KCTD19: variants seen among roughly 807,000 people sequenced by gnomAD.
KCTD19 encodes the protein potassium channel tetramerization domain containing 19, also known as BTB/POZ domain-containing protein KCTD19.
Under a neutral mutation model 103.5 loss-of-function variants are expected in KCTD19, and 67 were observed. That is an observed-to-expected ratio of 0.65 (90% CI 0.53 to 0.79). The LOEUF (loss-of-function observed/expected upper bound fraction) is 0.79, where lower values mean the gene tolerates loss of function less well. KCTD19 is among the 30% of genes least tolerant of loss of function. The pLI is 0.00. For missense variants in KCTD19, 980 were observed against 1,136.1 expected, an observed-to-expected ratio of 0.86 and a Z score of 1.98; for synonymous variants, 439 against 452.2, an observed-to-expected ratio of 0.97 and a Z score of 0.37.
Position 67,289,569 on chromosome 16 carries a change from C to G in KCTD19, c.2781G>C (p.Ter927TyrextTer17). The G allele has an allele frequency of 3.1e-6, 5 of 1,602,894 alleles. No individual in the cohort carries two copies. Among genetic ancestry groups the G allele is most frequent in the Non-Finnish European group, 3.4e-6 (4 of 1,169,872 alleles). Residue 927 changes from the stop codon to tyrosine (Y), a stop_lost, in exon 16 of 16, where the codon TAG (stop) becomes TAC (tyrosine). Transcript: ENST00000304372. ...SILGKYLQED[*>Y] is the part of the protein sequence containing the mutation. ...ATGAGGGGCTGCATCTCTGGGCACCCTAGTCCTCTTGTAGGTACTTTCCCA... is the reference window on the plus strand; with the variant it reads ...ATGAGGGGCTGCATCTCTGGGCACCGTAGTCCTCTTGTAGGTACTTTCCCA...
chr16:67,316,724 CTCCT>C (rs1410660996), intron 2 of KCTD19, among the ~76,000 whole-genome samples: 2 of 152,170 alleles, frequency 1.3e-5, no homozygotes, highest in Non-Finnish European at 2.9e-5. Flanking sequence ...ACAGGGTTCA[CTCCT>C]GTATCTCCAG....
chr16:67,325,084 A>G (rs546854080), intron 1 of KCTD19, among the ~76,000 whole-genome samples: 7 of 152,292 alleles, frequency 4.6e-5, no homozygotes, highest in African/African-American at 1.2e-4. Context: ...TGAGAGCTCA[A>G]TGGGGGTGCT....
At chr16:67,290,167 CTTTTTTTTTTTT>C (rs11296444) in intron 15 of KCTD19, among the ~76,000 whole-genome samples, 32 of 69,318 alleles carry the variant, frequency 4.6e-4, no homozygotes, top group African/African-American at 1.7e-3. Flanking sequence ...TGAATATTTT[CTTTTTTTTTTTT>C]TTTTTTTTTT....
intron 12 of KCTD19, among the ~76,000 whole-genome samples, chr16:67,292,337 G>A (rs577213648): frequency 6.6e-6 from 1 of 152,326 alleles, no homozygotes; most frequent in South Asian, 2.1e-4. Context: ...ACCCTGGGCT[G>A]GCAGGGGCCT....
rs373291337 is a variant in KCTD19 at position 67,295,322 on chromosome 16, C to T, written c.1332G>A (p.Met444Ile). Residue 444 changes from methionine to isoleucine, a missense_variant, in exon 9 of 16, where the codon ATG (methionine) becomes ATA (isoleucine). By Grantham distance (10) the Met-to-Ile change is conservative. Coordinates refer to ENST00000304372, the MANE Select transcript of KCTD19 (RefSeq NM_001100915.3). Reference protein sequence around the residue: ...QTLLIHGDGQMFRHILNFLRL... With the variant: ...QTLLIHGDGQIFRHILNFLRL... ...TCAGGAAGTTGAGAATGTGTCGGAA[C>T]ATCTGGCCATCCCCGTGGATGAGCA... The T allele has an allele frequency of 3.0e-5, 48 of 1,614,090 alleles. No homozygotes were observed. The highest frequency in any genetic ancestry group is 4.1e-5 in the Non-Finnish European group (48 of 1,180,052).
intron 13 of KCTD19, 55 bp downstream of exon 13, chr16:67,291,591 G>T: frequency 6.3e-7 from 1 of 1,580,698 alleles, no homozygotes; most frequent in East Asian, 2.2e-5. Context: ...CCTGGGAGGG[G>T]GCTCAGGCAT....
Position 67,289,586 on chromosome 16 carries a change from A to C in KCTD19, c.2764T>G (p.Tyr922Asp). The change falls in exon 16 of 16, where the codon TAC (tyrosine) becomes GAC (aspartate). Residue 922 changes from tyrosine to aspartate, a missense_variant. Transcript: ENST00000304372. ...TGGGCACCCTAGTCCTCTTGTAGGT[A>C]CTTTCCCAGGATGGAGTAAGAGACA... ...RSVSYSILGK[Y>D]LQED 1 of 1,612,410 alleles carries C rather than the reference A, an allele frequency of 6.2e-7. No homozygotes were observed.
At chr16:67,302,880 G>A (rs2142509455) in intron 4 of KCTD19, 1 of 457,264 alleles carries the variant, frequency 2.2e-6, no homozygotes, top group East Asian at 4.4e-5. Context: ...CAACTCCTGT[G>A]GTCCCTAGCA....
intron 1 of KCTD19, among the ~76,000 whole-genome samples, chr16:67,325,128 C>G (rs2037121357): frequency 6.6e-6 from 1 of 151,906 alleles, no homozygotes; most frequent in Admixed American, 6.5e-5. Flanking sequence ...CAAAGAAAAC[C>G]TACTTCTCGA....
chr16:67,297,217 C>T (rs528590171), intron 7 of KCTD19, among the ~76,000 whole-genome samples: 1 of 152,302 alleles, frequency 6.6e-6, no homozygotes, highest in African/African-American at 2.4e-5. Flanking sequence ...CTGTGAGAAG[C>T]ACAGCAAGTC....
intron 12 of KCTD19, 37 bp from the exon 13 acceptor site, chr16:67,291,874 A>T: frequency 6.8e-7 from 1 of 1,477,350 alleles, no homozygotes. Flanking sequence ...TCTCCTTTTA[A>T]AAAAAAATTT....
In KCTD19 at chr16:67,304,381, T is replaced by C. The variant is rs771467654; in HGVS notation, c.451+40A>G. On this transcript the variant is annotated intron_variant, in intron 3 of 15. Coordinates refer to ENST00000304372, the MANE Select transcript of KCTD19 (RefSeq NM_001100915.3). Reference sequence around the variant, plus strand: ...CTGTTAGGGTGAGGAGAGGGAAAGTTGGTGTGGGCTTTAGGGAGGGACAGC... The same window carrying C: ...CTGTTAGGGTGAGGAGAGGGAAAGTCGGTGTGGGCTTTAGGGAGGGACAGC... 3 of 1,605,320 alleles carry C rather than the reference T, an allele frequency of 1.9e-6. No individual in the cohort carries two copies. The East Asian group carries it at 6.7e-5, about 36-fold the overall frequency.
rs527499557 is a variant in KCTD19 at position 67,300,629 on chromosome 16, T to C, written c.776-1056A>G. 2 of 152,582 alleles carry C rather than the reference T, an allele frequency of 1.3e-5. No individual in the cohort carries two copies. The highest frequency in any genetic ancestry group is 4.1e-4 in the South Asian group (2 of 4,826). The allele number at this position is 152,582 out of a possible 1,614,324, so 9.5% of individuals were successfully genotyped here. A position where few individuals can be genotyped will look rare whatever the true frequency, so the allele number is the denominator to read the frequency against. On this transcript the variant is annotated intron_variant, in intron 5 of 15. Transcript: ENST00000304372. The surrounding 1 kb of genome is among the most constrained non-coding windows in gnomAD (Gnocchi z 4.5). Reference sequence around the variant, plus strand: ...CAGGGTCCTGAGACCTGCTGGAGCATGCCACTCCCCACAAAGAGGATGGGT... The same window carrying C: ...CAGGGTCCTGAGACCTGCTGGAGCACGCCACTCCCCACAAAGAGGATGGGT...
rs2036732864 is a variant in KCTD19 at position 67,293,964 on chromosome 16, G to A, written c.1798C>T (p.His600Tyr). ...GGGCTCTCAGGGTGGCTCCCCCAGTGTCCAGGATTGGTACACAAGCCACGG... is the reference window on the plus strand; with the variant it reads ...GGGCTCTCAGGGTGGCTCCCCCAGTATCCAGGATTGGTACACAAGCCACGG... ...HCRGLCTNPG[H>Y]WGSHPESPPK... The change falls in exon 12 of 16, where the codon CAC (histidine) becomes TAC (tyrosine). Residue 600 changes from histidine to tyrosine, a missense_variant. Coordinates refer to ENST00000304372, the MANE Select transcript of KCTD19 (RefSeq NM_001100915.3). The surrounding 1 kb of genome is among the most constrained non-coding windows in gnomAD (Gnocchi z 4.0). The A allele has an allele frequency of 1.2e-6, 2 of 1,614,038 alleles. No individual in the cohort carries two copies. The highest frequency in any genetic ancestry group is 2.7e-5 in the African/African-American group (2 of 74,926).
rs777843756 is a variant in KCTD19 at position 67,294,635 on chromosome 16, T to C, written c.1535A>G (p.His512Arg). ...NEEAFSIRRLHVVTEGPGSLV... is the reference protein window; with the variant it reads ...NEEAFSIRRLRVVTEGPGSLV... ...TGACCCTGGCCCTTCTGTCACCACA[T>C]GCAGCCTCCTGATGGAAAAAGCTTC... The change falls in exon 11 of 16, where the codon CAT (histidine) becomes CGT (arginine). Residue 512 changes from histidine (H) to arginine (R), a missense_variant. By Grantham distance (29) the His-to-Arg change is conservative (BLOSUM62 0). Coordinates refer to ENST00000304372, the MANE Select transcript of KCTD19 (RefSeq NM_001100915.3). 4.3e-6 allele frequency: 7 copies of C among 1,614,220 alleles called. No homozygotes were observed.
At chr16:67,302,007 C>A in intron 4 of KCTD19, 85 bp from the exon 5 acceptor site, 1 of 1,279,784 alleles carries the variant, frequency 7.8e-7, no homozygotes. Flanking sequence ...GTTTCTGGTG[C>A]TGTAACTTAT....
intron 6 of KCTD19, among the ~76,000 whole-genome samples, 189 bp from the exon 7 acceptor site, chr16:67,297,852 G>A (rs942159117): frequency 3.9e-5 from 6 of 152,084 alleles, no homozygotes; most frequent in African/African-American, 1.2e-4. Flanking sequence ...GTGCAGTGAC[G>A]CAATCTTGGC....
At chr16:67,289,748 T>C (rs1231021436) in intron 15 of KCTD19, 66 bp from the exon 16 acceptor site, 16 of 1,240,368 alleles carry the variant, frequency 1.3e-5, no homozygotes, top group Non-Finnish European at 1.9e-5. Context: ...TCCATGTGGG[T>C]GGGGTTCTCC....
chr16:67,313,521 A>G (rs1268816186), intron 2 of KCTD19, among the ~76,000 whole-genome samples: 1 of 152,204 alleles, frequency 6.6e-6, no homozygotes, highest in Admixed American at 6.5e-5. Flanking sequence ...CAAAAAAGGT[A>G]GTGGCTGAAT....
Sources: allele counts gnomAD v4.1 joint callset (sites outside exome capture counted in the v4.1 genomes callset), GRCh38; gene constraint gnomAD v4.1.1; non-coding constraint Gnocchi (gnomAD v3.1); transcripts MANE v1.5; gene names NCBI Gene and HGNC (gene_info 2026-07-23, HGNC 2026-07-21).